The following RERG variants were observed in gnomAD, a reference collection of about 807,000 sequenced individuals.
RERG encodes the protein ras-related and estrogen-regulated growth inhibitor.
In RERG, 25 loss-of-function variants were observed where a neutral mutation model predicts 23.2. The ratio of observed to expected loss-of-function variants is 1.08; its 90% CI spans 0.79 to 1.50. The LOEUF (loss-of-function observed/expected upper bound fraction) is 1.50, where lower values mean the gene tolerates loss of function less well. RERG is among the 40% of genes most tolerant of loss of function. The probability of loss-of-function intolerance (pLI) is 0.00; values close to 1 mark genes in which losing one functional copy is unlikely to be tolerated. For missense variants in RERG, 253 were observed against 250.1 expected (o/e 1.01, Z -0.08); for synonymous variants, 81 against 89.1 (o/e 0.91, Z 0.51).
At chr12:15,212,746 T>TTA (rs959119706) in intron 2 of RERG, among the ~76,000 whole-genome samples, 1 of 152,160 alleles carries the variant, frequency 6.6e-6, no homozygotes, top group Non-Finnish European at 1.5e-5. Flanking sequence ...TGTTTTTTTA[T>TTA]TATATATATG....
chr12:15,188,868 T>C (rs144753366), intron 2 of RERG, among the ~76,000 whole-genome samples: 13 of 152,248 alleles, frequency 8.5e-5, no homozygotes, highest in Non-Finnish European at 1.9e-4. Context: ...GCAGTAGTTA[T>C]GGGAATGCCT....
chr12:15,149,836 G>C (rs1024025981), intron 2 of RERG, among the ~76,000 whole-genome samples: 13 of 151,938 alleles, frequency 8.6e-5, no homozygotes, highest in African/African-American at 3.1e-4. Context: ...GTTCATAAAT[G>C]GTGTCTAGGA....
At chr12:15,116,668 C>T (rs558407329) in intron 3 of RERG, among the ~76,000 whole-genome samples, 98 of 151,926 alleles carry the variant, frequency 6.5e-4, no homozygotes, top group African/African-American at 2.2e-3. Context: ...CCCATTTTCT[C>T]TACGTGTAAA....
At chr12:15,187,942 A>G (rs1041865552) in intron 2 of RERG, among the ~76,000 whole-genome samples, 1 of 152,128 alleles carries the variant, frequency 6.6e-6, no homozygotes, top group African/African-American at 2.4e-5. Flanking sequence ...CCCTTTTATT[A>G]TCAGGAAATA....
chr12:15,109,638 G>T, intron 4 of RERG, 121 bp from the exon 5 acceptor site: 1 of 737,540 alleles, frequency 1.4e-6, no homozygotes, highest in Non-Finnish European at 2.2e-6. Context: ...TTAAAATGTC[G>T]TGGTACTCTA....
chr12:15,183,127 T>A lies in RERG; in HGVS notation c.61+34302A>T, dbSNP rs1319395713. ...AAAGAAAGTATTAATGGGAGATTTC[T>A]ATGCAAATATTATAAAAAGTTGGAG... On this transcript the variant is annotated intron_variant, in intron 2 of 4. Coordinates refer to ENST00000256953, the MANE Select transcript of RERG (RefSeq NM_032918.3). 2.0e-5 allele frequency among the ~76,000 whole-genome samples: 3 copies of A among 152,240 alleles called. No individual in the cohort carries two copies. The East Asian group carries it at 5.8e-4, about 29-fold the overall frequency.
chr12:15,133,149 A>G (rs1166544748), intron 2 of RERG, among the ~76,000 whole-genome samples: 1 of 57,958 alleles, frequency 1.7e-5, no homozygotes, highest in East Asian at 2.8e-4. Flanking sequence ...CTGTGGAGAT[A>G]TATATATATA....
At chr12:15,117,734 C>T (rs1246232161) in intron 3 of RERG, among the ~76,000 whole-genome samples, 4 of 151,994 alleles carry the variant, frequency 2.6e-5, no homozygotes, top group Non-Finnish European at 4.4e-5. Context: ...TTCTAAGCCT[C>T]TATCTATATT....
intron 2 of RERG, among the ~76,000 whole-genome samples, chr12:15,152,303 T>A (rs1432457122): frequency 6.6e-6 from 1 of 152,156 alleles, no homozygotes; most frequent in African/African-American, 2.4e-5. Flanking sequence ...TGACTTGGAA[T>A]GCTTCAAATG....
At chr12:15,207,672 C>T (rs572595049) in intron 2 of RERG, among the ~76,000 whole-genome samples, 3 of 151,922 alleles carry the variant, frequency 2.0e-5, no homozygotes, top group South Asian at 2.1e-4. Flanking sequence ...CATTGTAGAG[C>T]GAAAGAGAGA....
chr12:15,122,944 G>A (rs192352375), intron 2 of RERG, among the ~76,000 whole-genome samples: 2 of 151,918 alleles, frequency 1.3e-5, no homozygotes, highest in African/African-American at 2.4e-5. Flanking sequence ...GATTGCAGGC[G>A]CGTGCCACCA....
At chr12:15,128,520 T>A (rs147057628) in intron 2 of RERG, among the ~76,000 whole-genome samples, 1 of 152,232 alleles carries the variant, frequency 6.6e-6, no homozygotes, top group African/African-American at 2.4e-5. Context: ...CACCTTTGCA[T>A]GTCCCAGGAA....
chr12:15,161,187 AAAG>A (rs1273182235), intron 2 of RERG, among the ~76,000 whole-genome samples: 111 of 149,538 alleles, frequency 7.4e-4, no homozygotes, highest in Non-Finnish European at 1.3e-3. Context: ...AGAAAGAAAG[AAAG>A]AAAGAAAGAA....
intron 3 of RERG, among the ~76,000 whole-genome samples, chr12:15,118,231 C>T (rs1414279374): frequency 6.6e-6 from 1 of 151,882 alleles, no homozygotes; most frequent in Non-Finnish European, 1.5e-5. Context: ...AGTCTGAAAC[C>T]GAAAAGTTTA....
chr12:15,177,605 T>C (rs960738332), intron 2 of RERG, among the ~76,000 whole-genome samples: 27 of 152,308 alleles, frequency 1.8e-4, no homozygotes, highest in Admixed American at 1.5e-3. Flanking sequence ...CATTTGAGCA[T>C]GAAAAGCAGC....
intron 2 of RERG, among the ~76,000 whole-genome samples, chr12:15,161,057 C>T (rs573725450): frequency 6.6e-6 from 1 of 151,838 alleles, no homozygotes; most frequent in Admixed American, 6.6e-5. Context: ...ATTGCTTGAA[C>T]CCAGGAGGCG....
At chr12:15,176,152 G>A (rs1386373073) in intron 2 of RERG, among the ~76,000 whole-genome samples, 4 of 152,142 alleles carry the variant, frequency 2.6e-5, no homozygotes, top group Non-Finnish European at 5.9e-5. Flanking sequence ...CATTCCAGAA[G>A]TTTCCTACTA....
intron 2 of RERG, among the ~76,000 whole-genome samples, chr12:15,145,744 C>A (rs1415178917): frequency 1.3e-5 from 2 of 152,220 alleles, no homozygotes; most frequent in Non-Finnish European, 2.9e-5. Flanking sequence ...AGTAAAGAAG[C>A]AACAGCAGAA....
intron 2 of RERG, among the ~76,000 whole-genome samples, chr12:15,164,201 G>A (rs1262570439): frequency 1.3e-5 from 2 of 152,132 alleles, no homozygotes; most frequent in Non-Finnish European, 2.9e-5. Context: ...TTTACATAGG[G>A]GCTCCATTAC....
Sources: allele counts gnomAD v4.1 joint callset (sites outside exome capture counted in the v4.1 genomes callset), GRCh38; gene constraint gnomAD v4.1.1; transcripts MANE v1.5; gene names NCBI Gene and HGNC (gene_info 2026-07-23, HGNC 2026-07-21).